STAB1: variants seen among roughly 807,000 people sequenced by gnomAD.
STAB1 encodes stabilin 1, also known as stabilin-1.
Under a neutral mutation model 332.4 loss-of-function variants are expected in STAB1, and 250 were observed. The ratio of observed to expected loss-of-function variants is 0.75; its 90% CI spans 0.68 to 0.84. The LOEUF (loss-of-function observed/expected upper bound fraction) is 0.84. Among genes scored for constraint, STAB1 ranks in the 40% least tolerant of loss-of-function variants. STAB1 has a pLI of 0.00. For missense variants in STAB1, 3,249 were observed against 3,489.7 expected (o/e 0.93, Z 1.74); for synonymous variants, 1,475 against 1,390.4 (o/e 1.06, Z -1.35).
intron 56 of STAB1, 24 bp downstream of exon 56, chr3:52,521,534 C>T (rs377474478): frequency 2.9e-5 from 47 of 1,613,738 alleles, no homozygotes; most frequent in Admixed American, 3.3e-5. Flanking sequence ...GCCTGCCCCA[C>T]GGCCCGATTC....
chr3:52,516,767 A>G lies in STAB1; in HGVS notation c.4362A>G (p.Ser1454=), dbSNP rs778475454. The G allele has an allele frequency of 1.2e-6, 2 of 1,607,792 alleles. No individual in the cohort carries two copies. The highest frequency in any genetic ancestry group is 1.3e-5 in the African/African-American group (1 of 74,714). ...AGYSGNGIFC[S]EVDPCAHGHG... is the part of the protein sequence containing the mutation. Reference sequence around the variant, plus strand: ...ACTCCGGCAATGGCATCTTCTGTTCAGGTCCAGCCACACGGATGCCCAGGG... The same window carrying G: ...ACTCCGGCAATGGCATCTTCTGTTCGGGTCCAGCCACACGGATGCCCAGGG... The change falls in exon 41 of 69, where the codon TCA becomes TCG. Residue 1454 remains serine (S), a splice_region_variant and synonymous_variant. Transcript: ENST00000321725.
chr3:52,501,975 G>A (rs1190548179), intron 3 of STAB1, 31 bp from the exon 4 acceptor site: 11 of 1,610,002 alleles, frequency 6.8e-6, no homozygotes, highest in Non-Finnish European at 9.3e-6. Context: ...AGGGTTCTGG[G>A]CACAGAGCTG....
At position 52,523,572 on chromosome 3, in the gene STAB1, C is replaced by G. The variant is rs139325080; in HGVS notation, c.7286C>G (p.Pro2429Arg). ...DAGPDNSSWA[P>R]VAPGTVVVSR... ...GGCCCTGACAACAGTTCCTGGGCCCCTGTGGTGAGTCTGGCCACTGTCCCA... is the reference window on the plus strand; with the variant it reads ...GGCCCTGACAACAGTTCCTGGGCCCGTGTGGTGAGTCTGGCCACTGTCCCA... Residue 2429 changes from proline to arginine, a missense_variant, in exon 65 of 69, where the codon CCT becomes CGT. Pro to Arg is a moderately radical substitution (Grantham distance 103). Coordinates refer to ENST00000321725, the MANE Select transcript of STAB1 (RefSeq NM_015136.3). 8 of 1,612,666 alleles carry G rather than the reference C, an allele frequency of 5.0e-6. No individual in the cohort carries two copies. Among genetic ancestry groups the G allele is most frequent in the Non-Finnish European group, 5.9e-6 (7 of 1,180,002 alleles).
Position 52,520,533 on chromosome 3 carries a change from C to T in STAB1, c.5633C>T (p.Thr1878Ile). 1 of 1,611,684 alleles carries T rather than the reference C, an allele frequency of 6.2e-7. No homozygotes were observed. Among genetic ancestry groups the T allele is most frequent in the Non-Finnish European group, 8.5e-7 (1 of 1,179,198 alleles). ...GGTGCTCGCTGTGACCACTTTGAGA[C>T]CCGGCCCCTGCGACTGGTGAGGGAG... ...GLGARCDHFE[T>I]RPLRLNTCSI... Residue 1878 changes from threonine to isoleucine, a missense_variant, in exon 53 of 69, where the codon ACC becomes ATC. Thr to Ile is a moderately conservative substitution (Grantham distance 89). Coordinates refer to ENST00000321725, the MANE Select transcript of STAB1 (RefSeq NM_015136.3).
Position 52,517,974 on chromosome 3 carries a change from G to A in STAB1, c.4732G>A (p.Gly1578Ser), listed in dbSNP as rs376669647. 270 of 1,607,052 alleles carry A rather than the reference G, an allele frequency of 1.7e-4. No homozygotes were observed. The highest frequency in any genetic ancestry group is 5.0e-4 in the Middle Eastern group (3 of 6,014). Residue 1578 changes from glycine (G) to serine (S), a missense_variant, in exon 45 of 69, where the codon GGC becomes AGC. Coordinates refer to ENST00000321725, the MANE Select transcript of STAB1 (RefSeq NM_015136.3). ...TCDTAHTVGD[G>S]LTCRARVGLE... ...CGACACAGCCCACACCGTGGGGGAC[G>A]GCCTCACCTGCCGTGCCCGAGTCGG...
chr3:52,507,657 C>T lies in STAB1; in HGVS notation c.2034C>T (p.Pro678=). 4.3e-6 allele frequency: 7 copies of T among 1,613,662 alleles called. No individual in the cohort carries two copies. The highest frequency in any genetic ancestry group is 5.9e-6 in the Non-Finnish European group (7 of 1,180,018). The part of the protein sequence containing the change: ...DCQALNTSTC[P]PNSVKLDIFP... The stretch of plus-strand genomic sequence containing the variant: ...AAGCCCTGAACACCAGCACGTGTCC[C>T]CCCAACAGTGTGAAGCTGGTGAGCA... Residue 678 remains proline (P), a synonymous_variant, in exon 19 of 69, where the codon CCC becomes CCT. Coordinates refer to ENST00000321725, the MANE Select transcript of STAB1 (RefSeq NM_015136.3).
chr3:52,524,177 T>G lies in STAB1; in HGVS notation c.7620T>G (p.Pro2540=), dbSNP rs758404627. The G allele has an allele frequency of 6.2e-7, 1 of 1,614,066 alleles. No homozygotes were observed. Among genetic ancestry groups the G allele is most frequent in the Non-Finnish European group, 8.5e-7 (1 of 1,180,010 alleles). Residue 2540 remains proline (P), a synonymous_variant, in exon 68 of 69, where the codon CCT becomes CCG. Transcript: ENST00000321725. ...CCACCCTGGTCTCTGTCCCCAACCC[T>G]GTCTTTGGCAGCGACACCTTTTGTG... The part of the protein sequence containing the change: ...TNPTLVSVPN[P]VFGSDTFCEP...
intron 52 of STAB1, 43 bp downstream of exon 52, chr3:52,520,333 G>A: frequency 1.9e-6 from 3 of 1,612,954 alleles, no homozygotes; most frequent in Non-Finnish European, 2.5e-6. Flanking sequence ...GTAGGAGGCA[G>A]GGGCCCTGGC....
chr3:52,505,640 C>A (rs761423233), intron 14 of STAB1, 28 bp from the exon 15 acceptor site: 1 of 1,607,266 alleles, frequency 6.2e-7, no homozygotes, highest in South Asian at 1.1e-5. Context: ...GCCATGCAAC[C>A]CCCTGAGCCT....
At chr3:52,509,587 A>C in intron 22 of STAB1, 1 of 588,600 alleles carries the variant, frequency 1.7e-6, no homozygotes, top group Non-Finnish European at 3.0e-6. Flanking sequence ...CAGGAAGGGA[A>C]CTGTGGCTTA....
At position 52,505,758 on chromosome 3, in the gene STAB1, C is replaced by T. The variant is rs75734046; in HGVS notation, c.1672C>T (p.Arg558Cys). The T allele has an allele frequency of 1.5e-5, 24 of 1,613,848 alleles. No homozygotes were observed. The highest frequency in any genetic ancestry group is 9.9e-5 in the South Asian group (9 of 91,086). ...NEAVDSLRDG[R>C]LIYLFTAGLS... The stretch of plus-strand genomic sequence containing the variant: ...GGCTGTGGACAGCTTGCGTGACGGC[C>T]GCCTGATCTACCTCTTCACAGCGGT... The change falls in exon 15 of 69, where the codon CGC (arginine) becomes TGC (cysteine). Residue 558 changes from arginine (R) to cysteine (C), a missense_variant. Arg to Cys is a radical substitution (Grantham distance 180). Transcript: ENST00000321725.
chr3:52,504,780 A>G lies in STAB1; in HGVS notation c.1281A>G (p.Ala427=), dbSNP rs1559678496. 1 of 1,613,900 alleles carries G rather than the reference A, an allele frequency of 6.2e-7. No individual in the cohort carries two copies. The highest frequency in any genetic ancestry group is 8.5e-7 in the Non-Finnish European group (1 of 1,180,032). ...AQQLCRQHII[A]GQHILEDTRT... Reference sequence around the variant, plus strand: ...AGCTCTGTAGACAGCACATCATCGCAGGGCAGCACATCCTGGAGGACACAA... The same window carrying G: ...AGCTCTGTAGACAGCACATCATCGCGGGGCAGCACATCCTGGAGGACACAA... Residue 427 remains alanine, a synonymous_variant, in exon 12 of 69, where the codon GCA becomes GCG. Transcript: ENST00000321725.
chr3:52,516,220 G>A lies in STAB1; in HGVS notation c.4126G>A (p.Gly1376Arg), dbSNP rs771020403. Reference sequence around the variant, plus strand: ...TGAGGTGTGTGAGCTGGGCCGCTACGGGCCCAACTGCACCGGAGGTGAGGA... The same window carrying A: ...TGAGGTGTGTGAGCTGGGCCGCTACAGGCCCAACTGCACCGGAGGTGAGGA... ...ACEVCELGRY[G>R]PNCTGVCDCA... The change falls in exon 38 of 69, where the codon GGG (glycine) becomes AGG (arginine). Residue 1376 changes from glycine to arginine, a missense_variant. Physicochemically the swap from Gly to Arg is moderately radical, Grantham distance 125. Coordinates refer to ENST00000321725, the MANE Select transcript of STAB1 (RefSeq NM_015136.3). 4.4e-5 allele frequency: 71 copies of A among 1,611,924 alleles called. No homozygotes were observed. In the Middle Eastern group the frequency reaches 6.6e-4, roughly 15 times the overall value.
intron 28 of STAB1, 83 bp downstream of exon 28, chr3:52,512,726 A>G: frequency 6.2e-7 from 1 of 1,611,132 alleles, no homozygotes; most frequent in Non-Finnish European, 8.5e-7. Flanking sequence ...AACATCTCCA[A>G]GCGTGGGAGG....
chr3:52,513,232 C>T lies in STAB1; in HGVS notation c.3261C>T (p.Asn1087=). 2 of 1,578,230 alleles carry T rather than the reference C, an allele frequency of 1.3e-6. No homozygotes were observed. The highest frequency in any genetic ancestry group is 2.3e-5 in the East Asian group (1 of 43,702). The change falls in exon 30 of 69, where the codon AAC becomes AAT. Residue 1087 remains asparagine, a synonymous_variant. Transcript: ENST00000321725. ...CCACCACACGCTGGGAGATTCGCAACATTAGTGGGGTATGTGGTGAACTCT... is the reference window on the plus strand; with the variant it reads ...CCACCACACGCTGGGAGATTCGCAATATTAGTGGGGTATGTGGTGAACTCT... ...LNPTTRWEIR[N]ISGRVWVQNA... is the part of the protein sequence containing the mutation.
At chr3:52,501,467 G>A (rs1708437174) in intron 2 of STAB1, 165 bp downstream of exon 2, 10 of 1,150,132 alleles carry the variant, frequency 8.7e-6, no homozygotes, top group Admixed American at 2.3e-5. Flanking sequence ...GGGTAAAGGC[G>A]AGGGGCAGGA....
chr3:52,519,819 G>A (rs1278954383), intron 50 of STAB1, 125 bp from the exon 51 acceptor site: 36 of 1,291,216 alleles, frequency 2.8e-5, no homozygotes, highest in Non-Finnish European at 1.3e-5. Context: ...ATGCCTGCCT[G>A]GGATGGTCAC....
chr3:52,503,267 C>T (rs1291156157), intron 7 of STAB1, 77 bp from the exon 8 acceptor site: 4 of 1,533,342 alleles, frequency 2.6e-6, no homozygotes, highest in Non-Finnish European at 3.5e-6. Context: ...CTGGCCCCGG[C>T]CTTCCTGGTG....
chr3:52,501,717 G>A lies in STAB1; in HGVS notation c.295G>A (p.Ala99Thr), dbSNP rs368959169. 9 of 1,576,556 alleles carry A rather than the reference G, an allele frequency of 5.7e-6. No individual in the cohort carries two copies. In the African/African-American group the frequency reaches 9.5e-5, roughly 17 times the overall value. Residue 99 changes from alanine (A) to threonine (T), a missense_variant, in exon 3 of 69, where the codon GCC becomes ACC. Physicochemically the swap from Ala to Thr is moderately conservative, Grantham distance 58. Coordinates refer to ENST00000321725, the MANE Select transcript of STAB1 (RefSeq NM_015136.3). ...GTGCCGGAAGCAAGTGGTGCAGAAGGCCTGCTGCCCTGGCTACTGGGGTTC... is the reference window on the plus strand; with the variant it reads ...GTGCCGGAAGCAAGTGGTGCAGAAGACCTGCTGCCCTGGCTACTGGGGTTC... ...RKCRKQVVQK[A>T]CCPGYWGSRC...
Sources: allele counts gnomAD v4.1 joint callset, GRCh38; gene constraint gnomAD v4.1.1; transcripts MANE v1.5; gene names NCBI Gene and HGNC (gene_info 2026-07-23, HGNC 2026-07-21).